The following SEPTIN9 variants were observed in gnomAD, a reference collection of about 807,000 sequenced individuals.
SEPTIN9 encodes the protein septin-9.
Under a neutral mutation model 56.6 loss-of-function variants are expected in SEPTIN9, and 13 were observed. The ratio of observed to expected loss-of-function variants is 0.23; its 90% CI spans 0.15 to 0.37. The LOEUF (loss-of-function observed/expected upper bound fraction) is 0.37. Ranked by LOEUF, SEPTIN9 falls within the 10% of genes least tolerant of loss-of-function variation. The pLI is 1.00. For missense variants in SEPTIN9, 650 were observed against 823.1 expected, an observed-to-expected ratio of 0.79 and a Z score of 2.57; for synonymous variants, 332 against 334.1, an observed-to-expected ratio of 0.99 and a Z score of 0.07.
rs369604256 is a variant in SEPTIN9 at position 77,289,305 on chromosome 17, C to T, written c.19+7751C>T. On this transcript the variant is annotated intron_variant, in intron 1 of 11. Transcript: ENST00000427177. Reference sequence around the variant, plus strand: ...AGAGATGGGGTTTCGCCATGTTGGCCGGGTTGGTTTCAAACTCCTGACCTC... The same window carrying T: ...AGAGATGGGGTTTCGCCATGTTGGCTGGGTTGGTTTCAAACTCCTGACCTC... Among the ~76,000 whole-genome samples, 15 of 151,698 alleles carry T rather than the reference C, an allele frequency of 9.9e-5. No homozygotes were observed. In the East Asian group the frequency reaches 1.2e-3, roughly 12 times the overall value.
rs1237505118 is a variant in SEPTIN9, at chr17:77,318,839, C to T, written c.76+11642C>T. Among the ~76,000 whole-genome samples the T allele has an allele frequency of 6.6e-6, 1 of 152,184 alleles. No individual in the cohort carries two copies. Among genetic ancestry groups the T allele is most frequent in the African/African-American group, 2.4e-5 (1 of 41,438 alleles). ...GGGCCTCACCTGGTCACAGGTAACTCACCTGGCTCTGTGGGGCAGGGATTG... is the reference window on the plus strand; with the variant it reads ...GGGCCTCACCTGGTCACAGGTAACTTACCTGGCTCTGTGGGGCAGGGATTG... On this transcript the variant is annotated intron_variant, in intron 2 of 11. Coordinates refer to ENST00000427177, the MANE Select transcript of SEPTIN9 (RefSeq NM_001113491.2). This position sits in a 1 kb window ranked among gnomAD's most constrained non-coding sequence, Gnocchi z 4.9.
Position 77,320,305 on chromosome 17 carries a change from G to A in SEPTIN9, c.76+13108G>A, listed in dbSNP as rs547962505. On this transcript the variant is annotated intron_variant, in intron 2 of 11. Transcript: ENST00000427177. ...TGAGCGGGACGCCGGGACTCCCGCCGCTGCTAAATATATCCGTAGGAATGG... is the reference window on the plus strand; with the variant it reads ...TGAGCGGGACGCCGGGACTCCCGCCACTGCTAAATATATCCGTAGGAATGG... The A allele has an allele frequency of 4.5e-5, 73 of 1,612,674 alleles. No homozygotes were observed. The South Asian group carries it at 6.9e-4, about 15-fold the overall frequency.
chr17:77,414,511 G>A (rs990303010), intron 3 of SEPTIN9, among the ~76,000 whole-genome samples: 11 of 150,820 alleles, frequency 7.3e-5, no homozygotes, highest in African/African-American at 2.4e-4. Context: ...AAGAAACCCC[G>A]TAGCCTTTAG....
In SEPTIN9 at chr17:77,476,660, A is replaced by G. The variant is rs1001334438; in HGVS notation, c.722-5484A>G. On this transcript the variant is annotated intron_variant, in intron 3 of 11. Transcript: ENST00000427177. The surrounding 1 kb of genome is among the most constrained non-coding windows in gnomAD (Gnocchi z 6.0). Reference sequence around the variant, plus strand: ...TGACCTACTGCCACCAGCGCCAGTGAATGGCAGAGGGGCCCTGGCATAAGG... The same window carrying G: ...TGACCTACTGCCACCAGCGCCAGTGGATGGCAGAGGGGCCCTGGCATAAGG... 4.6e-5 allele frequency among the ~76,000 whole-genome samples: 7 copies of G among 152,232 alleles called. No homozygotes were observed.
intron 3 of SEPTIN9, among the ~76,000 whole-genome samples, chr17:77,460,421 G>A (rs1354321124): frequency 3.9e-5 from 6 of 152,190 alleles, no homozygotes; most frequent in Admixed American, 3.9e-4. Flanking sequence ...GGACCCAGCT[G>A]CTGAAGTTAT....
chr17:77,283,016 G>T lies in SEPTIN9; in HGVS notation c.19+1462G>T, dbSNP rs797002289. 4.1e-4 allele frequency among the ~76,000 whole-genome samples: 63 copies of T among 152,152 alleles called. 1 individual carries two copies. Among genetic ancestry groups the T allele is most frequent in the African/African-American group, 1.4e-3 (60 of 41,516 alleles). ...GTCGTGGGTCCTGGGTTTTTTCTGC[G>T]GAGACCCTCCTGCACAGATGCCGGA... is the stretch of plus-strand genomic sequence containing the variant. On this transcript the variant is annotated intron_variant, in intron 1 of 11. Transcript: ENST00000427177.
intron 3 of SEPTIN9, among the ~76,000 whole-genome samples, chr17:77,422,629 G>A (rs975563112): frequency 1.3e-5 from 2 of 152,198 alleles, no homozygotes; most frequent in African/African-American, 4.8e-5. Context: ...GTCCCGGGGA[G>A]CCGGGCTAAT....
intron 2 of SEPTIN9, among the ~76,000 whole-genome samples, chr17:77,340,420 C>T (rs1040125106): frequency 6.6e-5 from 10 of 152,186 alleles, no homozygotes; most frequent in Non-Finnish European, 1.2e-4. Context: ...GGATTACAGG[C>T]GTGAGTTGCC....
chr17:77,300,397 G>T (rs1348512640), intron 1 of SEPTIN9, among the ~76,000 whole-genome samples: 1 of 152,164 alleles, frequency 6.6e-6, no homozygotes, highest in Non-Finnish European at 1.5e-5. Context: ...AGGTTGTTCT[G>T]TGTCTAGGCA....
rs1324562578 is a variant in SEPTIN9 at position 77,394,100 on chromosome 17, C to T, written c.77-7959C>T. On this transcript the variant is annotated intron_variant, in intron 2 of 11. Transcript: ENST00000427177. The stretch of plus-strand genomic sequence containing the variant: ...GAAGGCACACCAGGCCTTTGGGCCT[C>T]GTCCCCCAAGTCCTGGATAAATAGG... 6.6e-5 allele frequency among the ~76,000 whole-genome samples: 10 copies of T among 152,150 alleles called. No individual in the cohort carries two copies. In the South Asian group the frequency reaches 8.3e-4, roughly 13 times the overall value.
Position 77,405,358 on chromosome 17 carries a change from C to G in SEPTIN9, c.721+2655C>G, listed in dbSNP as rs1449838855. Among the ~76,000 whole-genome samples, 1 of 152,058 alleles carries G rather than the reference C, an allele frequency of 6.6e-6. No individual in the cohort carries two copies. The highest frequency in any genetic ancestry group is 1.5e-5 in the Non-Finnish European group (1 of 67,994). On this transcript the variant is annotated intron_variant, in intron 3 of 11. Coordinates refer to ENST00000427177, the MANE Select transcript of SEPTIN9 (RefSeq NM_001113491.2). The surrounding 1 kb of genome is among the most constrained non-coding windows in gnomAD (Gnocchi z 5.8). ...GCAGTGGAAGTACAATTTCATCAGGCCAGGAAGGGGAGAGAAAGGCAGGCC... is the reference window on the plus strand; with the variant it reads ...GCAGTGGAAGTACAATTTCATCAGGGCAGGAAGGGGAGAGAAAGGCAGGCC...
chr17:77,450,598 T>A lies in SEPTIN9; in HGVS notation c.722-31546T>A. On this transcript the variant is annotated intron_variant, in intron 3 of 11. Transcript: ENST00000427177. The surrounding 1 kb of genome is among the most constrained non-coding windows in gnomAD (Gnocchi z 6.0). Reference sequence around the variant, plus strand: ...TCCCAGCGTCCAGGCCCAGCCCCTATAGTGTCAGCTCCCTCCTCTGGGGAC... The same window carrying A: ...TCCCAGCGTCCAGGCCCAGCCCCTAAAGTGTCAGCTCCCTCCTCTGGGGAC... 2 of 985,696 alleles carry A rather than the reference T, an allele frequency of 2.0e-6. No individual in the cohort carries two copies. The highest frequency in any genetic ancestry group is 4.7e-5 in the South Asian group (1 of 21,302). The allele number at this position is 985,696 out of a possible 1,614,324, so 61.1% of individuals were successfully genotyped here.
chr17:77,316,478 A>G (rs1273830438), intron 2 of SEPTIN9, among the ~76,000 whole-genome samples: 1 of 152,184 alleles, frequency 6.6e-6, no homozygotes, highest in African/African-American at 2.4e-5. Flanking sequence ...TGTGCTCAGC[A>G]AGTGCTCCAG....
At chr17:77,485,000 A>ATTGTGGTGGT (rs1568112349) in intron 4 of SEPTIN9, among the ~76,000 whole-genome samples, 2 of 1,234 alleles carry the variant, frequency 1.6e-3, no homozygotes. Context: ...GATGGTGGTG[A>ATTGTGGTGGT]AGGGGGTGAT....
intron 2 of SEPTIN9, among the ~76,000 whole-genome samples, chr17:77,385,745 C>T (rs76230938): frequency 0.012 from 1,799 of 152,224 alleles, 35 homozygotes; most frequent in African/African-American, 0.041. Flanking sequence ...CCCTGCTTTG[C>T]CCAAAGGTCT....
At chr17:77,474,844 A>G (rs1226549093) in intron 3 of SEPTIN9, among the ~76,000 whole-genome samples, 1 of 152,186 alleles carries the variant, frequency 6.6e-6, no homozygotes, top group Admixed American at 6.5e-5. Flanking sequence ...ATGATCCATC[A>G]GTTATAATAG....
At chr17:77,333,998 T>C (rs1438220025) in intron 2 of SEPTIN9, among the ~76,000 whole-genome samples, 1 of 152,214 alleles carries the variant, frequency 6.6e-6, no homozygotes, top group East Asian at 1.9e-4. Flanking sequence ...CTTGAAAGAA[T>C]GAACACCTTG....
intron 2 of SEPTIN9, among the ~76,000 whole-genome samples, chr17:77,381,492 G>C (rs2035141201): frequency 6.6e-6 from 1 of 152,164 alleles, no homozygotes; most frequent in Non-Finnish European, 1.5e-5. Flanking sequence ...TCCCTGCGAG[G>C]GGCAGGCCAG....
intron 3 of SEPTIN9, among the ~76,000 whole-genome samples, chr17:77,407,669 C>A (rs371193418): frequency 2.0e-5 from 3 of 152,136 alleles, no homozygotes; most frequent in Admixed American, 6.5e-5. Context: ...CCTGCCTGCT[C>A]CTCCGCCCCA....
Sources: gnomAD v4.1 joint callset for allele counts (sites outside exome capture counted in the v4.1 genomes callset) on GRCh38, gnomAD v4.1.1 for gene constraint, Gnocchi (gnomAD v3.1) non-coding constraint, MANE v1.5 for transcripts, NCBI Gene and HGNC (gene_info 2026-07-23, HGNC 2026-07-21) for gene names.